WASHC4: variants seen among roughly 807,000 people sequenced by gnomAD.
The protein encoded by WASHC4 is WASH complex subunit 7.
In WASHC4, 86 loss-of-function variants were observed where a neutral mutation model predicts 166.6. The ratio of observed to expected loss-of-function variants is 0.52; its 90% CI spans 0.43 to 0.62. WASHC4 has a LOEUF of 0.62. Ranked by LOEUF, WASHC4 falls within the 20% of genes least tolerant of loss-of-function variation. The pLI, the probability that WASHC4 is intolerant of heterozygous loss-of-function variation, is 0.00. For synonymous variants in WASHC4, 446 were observed against 451.6 expected (o/e 0.99, Z 0.16); for missense variants, 1,262 against 1,382.4 (o/e 0.91, Z 1.38).
intron 32 of WASHC4, among the ~76,000 whole-genome samples, chr12:105,165,852 C>T (rs1884779629): frequency 6.6e-6 from 1 of 152,042 alleles, no homozygotes; most frequent in Non-Finnish European, 1.5e-5. Context: ...CTGGAAGACA[C>T]TCAATATTAA....
chr12:105,153,595 C>A (rs754060421), intron 26 of WASHC4, among the ~76,000 whole-genome samples: 68 of 152,116 alleles, frequency 4.5e-4, no homozygotes, highest in Non-Finnish European at 8.8e-5. Flanking sequence ...GAGGAAAACT[C>A]CAGGATGATT....
intron 13 of WASHC4, among the ~76,000 whole-genome samples, chr12:105,128,590 G>A (rs756405339): frequency 2.6e-5 from 4 of 152,120 alleles, no homozygotes; most frequent in Non-Finnish European, 5.9e-5. Flanking sequence ...GAGTGCCATC[G>A]TAATGCCCAA....
chr12:105,130,824 T>C (rs965970315), intron 13 of WASHC4, among the ~76,000 whole-genome samples: 6 of 152,244 alleles, frequency 3.9e-5, no homozygotes, highest in African/African-American at 1.4e-4. Flanking sequence ...ACTTTAACAC[T>C]GGAAAATACT....
chr12:105,118,417 T>C, intron 6 of WASHC4, 29 bp from the exon 7 acceptor site: 25 of 1,477,024 alleles, frequency 1.7e-5, no homozygotes, highest in Non-Finnish European at 2.4e-5. Flanking sequence ...AGAGTAACTT[T>C]ATAATATATA....
intron 14 of WASHC4, among the ~76,000 whole-genome samples, chr12:105,136,714 G>A (rs1180006923): frequency 1.3e-5 from 2 of 152,140 alleles, no homozygotes; most frequent in South Asian, 2.1e-4. Flanking sequence ...AGGGTCTGAT[G>A]TAATAGTCTT....
At chr12:105,144,959 G>GTTA in intron 22 of WASHC4, 87 bp downstream of exon 22, 1 of 1,272,644 alleles carries the variant, frequency 7.9e-7, no homozygotes, top group South Asian at 1.3e-5. Flanking sequence ...TTTTGCTTTA[G>GTTA]TTAGTATGTG....
In WASHC4 at chr12:105,148,458, A is replaced by G. The variant is rs894386521; in HGVS notation, c.2515-1157A>G. The G allele has an allele frequency of 4.1e-6, 4 of 985,294 alleles. No individual in the cohort carries two copies. In the African/African-American group the frequency reaches 5.2e-5, roughly 13 times the overall value. The allele number at this position is 985,294 out of a possible 1,614,324, so 61.0% of individuals were successfully genotyped here. A position where few individuals can be genotyped will look rare whatever the true frequency, so the allele number is the denominator to read the frequency against. ...TTTCACAGTAATCACAGGGATATAG[A>G]TGTTCATCAGTTAATTACACTAATG... On this transcript the variant is annotated intron_variant, in intron 24 of 32. Transcript: ENST00000332180.
At position 105,152,251 on chromosome 12, in the gene WASHC4, T is replaced by G. The variant is rs1456481293; in HGVS notation, c.2650-92T>G. 4.2e-6 allele frequency: 3 copies of G among 706,444 alleles called. No homozygotes were observed. In the African/African-American group the frequency reaches 5.4e-5, roughly 13 times the overall value. The allele number at this position is 706,444 out of a possible 1,614,324, so 43.8% of individuals were successfully genotyped here. On this transcript the variant is annotated intron_variant, in intron 25 of 32. Transcript: ENST00000332180. ...TTTTAAGCACAATGAAATACAAAAT[T>G]GAAAGGAGAGTAGTATTGGCATGGT...
chr12:105,141,428 T>C (rs1361535763), intron 18 of WASHC4, among the ~76,000 whole-genome samples, 182 bp downstream of exon 18: 1 of 152,196 alleles, frequency 6.6e-6, no homozygotes, highest in African/African-American at 2.4e-5. Context: ...TAGCTTTGCT[T>C]CTACAGGAAG....
At chr12:105,137,765 T>C (rs1241198399) in intron 14 of WASHC4, 121 bp from the exon 15 acceptor site, 2 of 792,174 alleles carry the variant, frequency 2.5e-6, no homozygotes, top group Non-Finnish European at 4.1e-6. Context: ...AAGAGCTGGC[T>C]TTAAGATGAA....
chr12:105,150,149 T>C (rs1443772747), intron 25 of WASHC4, among the ~76,000 whole-genome samples: 1 of 152,204 alleles, frequency 6.6e-6, no homozygotes, highest in Non-Finnish European at 1.5e-5. Flanking sequence ...AAAAGCAGTA[T>C]AGTAAAAATG....
At chr12:105,164,333 C>G in intron 31 of WASHC4, 26 bp downstream of exon 31, 1 of 1,580,830 alleles carries the variant, frequency 6.3e-7, no homozygotes, top group Non-Finnish European at 8.7e-7. Flanking sequence ...AGAGTCACAT[C>G]TGCTTTGACT....
chr12:105,120,640 T>C (rs1356249277), intron 8 of WASHC4, 43 bp downstream of exon 8: 1 of 1,374,196 alleles, frequency 7.3e-7, no homozygotes, highest in East Asian at 2.3e-5. Context: ...TAATTATTAC[T>C]ATATTTTACT....
intron 1 of WASHC4, among the ~76,000 whole-genome samples, chr12:105,110,193 A>G (rs1879531829): frequency 6.6e-6 from 1 of 152,258 alleles, no homozygotes; most frequent in Non-Finnish European, 1.5e-5. Context: ...GTTGAAGAAT[A>G]AAGGAGAGTG....
At chr12:105,120,653 G>A in intron 8 of WASHC4, 56 bp downstream of exon 8, 1 of 1,265,584 alleles carries the variant, frequency 7.9e-7, no homozygotes, top group Non-Finnish European at 1.2e-6. Flanking sequence ...ATTTTACTTT[G>A]GAGTTTGTAT....
Position 105,144,502 on chromosome 12 carries a change from T to A in WASHC4, c.2179+47T>A, listed in dbSNP as rs199572127. 214 of 1,540,460 alleles carry A rather than the reference T, an allele frequency of 1.4e-4. 1 individual carries two copies. In the African/African-American group the frequency reaches 1.8e-3, roughly 13 times the overall value. ...TTAGAGTCATATTCTCTTTTTTTTT[T>A]TTTTTTACCCTACTGTTAAACAAAA... On this transcript the variant is annotated intron_variant, in intron 21 of 32. Transcript: ENST00000332180.
chr12:105,160,882 A>G lies in WASHC4; in HGVS notation c.3060+734A>G, dbSNP rs578178359. ...TTCAGTAGTAAATACTAACATCTGG[A>G]CTAAATTTTTAATGCTTCTTAGAGT... On this transcript the variant is annotated intron_variant, in intron 29 of 32. Coordinates refer to ENST00000332180, the MANE Select transcript of WASHC4 (RefSeq NM_015275.3). 3.7e-4 allele frequency among the ~76,000 whole-genome samples: 57 copies of G among 152,300 alleles called. 1 individual carries two copies. In the South Asian group the frequency reaches 1.0e-2, roughly 27 times the overall value.
chr12:105,113,091 G>A (rs1256053246), intron 2 of WASHC4, among the ~76,000 whole-genome samples: 1 of 151,706 alleles, frequency 6.6e-6, no homozygotes, highest in African/African-American at 2.4e-5. Flanking sequence ...GTCTCTTTTT[G>A]TTCCTCAACA....
chr12:105,119,276 T>C (rs145367271), intron 7 of WASHC4, among the ~76,000 whole-genome samples: 202 of 152,062 alleles, frequency 1.3e-3, no homozygotes, highest in African/African-American at 4.6e-3. Context: ...TTCATAGAGC[T>C]CTTGCAGTTT....
Sources: gnomAD v4.1 joint callset for allele counts (sites outside exome capture counted in the v4.1 genomes callset) on GRCh38, gnomAD v4.1.1 for gene constraint, MANE v1.5 for transcripts, NCBI Gene and HGNC (gene_info 2026-07-23, HGNC 2026-07-21) for gene names.